ENOX2: variants seen among roughly 807,000 people sequenced by gnomAD.
ENOX2 encodes the protein ecto-NOX disulfide-thiol exchanger 2.
A neutral mutation model predicts 45.0 loss-of-function variants in ENOX2; 36 were observed. That is an observed-to-expected ratio of 0.80 (90% CI 0.61 to 1.06). The LOEUF (loss-of-function observed/expected upper bound fraction) is 1.06, where lower values mean the gene tolerates loss of function less well. ENOX2 is among the 50% of genes least tolerant of loss of function. ENOX2 has a pLI of 0.00. For synonymous variants in ENOX2, 174 were observed against 152.3 expected (o/e 1.14, Z -1.05); for missense variants, 423 against 462.5 (o/e 0.91, Z 0.78).
chrX:130,852,683 G>A (rs925403531), intron 2 of ENOX2, among the ~76,000 whole-genome samples: 2 of 110,986 alleles, frequency 1.8e-5, no homozygotes, highest in Non-Finnish European at 3.8e-5. Context: ...TCATGGAGTT[G>A]AGACATTTGA....
intron 3 of ENOX2, among the ~76,000 whole-genome samples, chrX:130,725,773 A>G (rs1347172192): frequency 9.0e-6 from 1 of 111,601 alleles, no homozygotes; most frequent in Middle Eastern, 4.3e-3. Flanking sequence ...TGCCAAGGTG[A>G]GTAATTCCTG....
At chrX:130,742,191 G>A (rs181850320) in intron 3 of ENOX2, among the ~76,000 whole-genome samples, 55 of 101,888 alleles carry the variant, frequency 5.4e-4, no homozygotes, top group Non-Finnish European at 9.9e-4. Flanking sequence ...AAAAAAGTAA[G>A]TGCTGACCAG....
At chrX:130,840,397 C>A (rs1459038766) in intron 2 of ENOX2, among the ~76,000 whole-genome samples, 3 of 109,868 alleles carry the variant, frequency 2.7e-5, no homozygotes, top group Non-Finnish European at 5.7e-5. Context: ...TATGGTTAAA[C>A]AACTCACAAC....
intron 5 of ENOX2, 61 bp downstream of exon 5, chrX:130,688,802 A>T (rs776221032): frequency 5.5e-6 from 5 of 912,097 alleles, no homozygotes; most frequent in African/African-American, 2.0e-5. Context: ...TTGAGAAAGA[A>T]GAAAGCTTTC....
intron 3 of ENOX2, among the ~76,000 whole-genome samples, chrX:130,723,839 G>A (rs1448666586): frequency 1.8e-5 from 2 of 111,458 alleles, no homozygotes; most frequent in Non-Finnish European, 3.8e-5. Flanking sequence ...CTCTCTAAAT[G>A]CCTATTAGCA....
chrX:130,712,252 A>AG (rs1456323554), intron 3 of ENOX2, among the ~76,000 whole-genome samples: 1 of 112,201 alleles, frequency 8.9e-6, no homozygotes, highest in Non-Finnish European at 1.9e-5. Flanking sequence ...TACAGTAAGT[A>AG]GCTAGCCAGG....
chrX:130,827,915 G>A (rs1231706728), intron 2 of ENOX2, among the ~76,000 whole-genome samples: 2 of 111,564 alleles, frequency 1.8e-5, no homozygotes, highest in Non-Finnish European at 3.8e-5. Context: ...TCGGATTTAT[G>A]TATTTATGCT....
chrX:130,832,785 T>C (rs1237547175), intron 2 of ENOX2, among the ~76,000 whole-genome samples: 2 of 110,567 alleles, frequency 1.8e-5, no homozygotes, highest in Non-Finnish European at 3.8e-5. Context: ...TCTATAAACC[T>C]TTAGGGACTC....
At chrX:130,705,263 A>AAAAC (rs938258523) in intron 3 of ENOX2, among the ~76,000 whole-genome samples, 24 of 112,015 alleles carry the variant, frequency 2.1e-4, no homozygotes, top group African/African-American at 5.2e-4. Flanking sequence ...GAGAAATATT[A>AAAAC]AAACAAACAA....
At chrX:130,694,509 A>G (rs1055130495) in intron 4 of ENOX2, among the ~76,000 whole-genome samples, 1 of 111,115 alleles carries the variant, frequency 9.0e-6, no homozygotes, top group African/African-American at 3.3e-5. Flanking sequence ...GGTGTTCTAC[A>G]TCTGATGTCT....
At chrX:130,819,916 T>C (rs2077565925) in intron 2 of ENOX2, among the ~76,000 whole-genome samples, 1 of 111,621 alleles carries the variant, frequency 9.0e-6, no homozygotes, top group African/African-American at 3.3e-5. Context: ...GTCTGGGCAA[T>C]GATTTTAGGG....
chrX:130,680,061 A>G (rs1227214955), intron 5 of ENOX2, among the ~76,000 whole-genome samples: 1 of 112,027 alleles, frequency 8.9e-6, no homozygotes, highest in Non-Finnish European at 1.9e-5. Context: ...ATTTTTAGTC[A>G]TTTTTATTAA....
rs771924779 is a variant in ENOX2, at chrX:130,752,780, C to T, written c.-39+30767G>A. 9.9e-4 allele frequency among the ~76,000 whole-genome samples: 110 copies of T among 110,981 alleles called. 1 individual carries two copies. The highest frequency in any genetic ancestry group is 3.4e-3 in the African/African-American group (104 of 30,588). On this transcript the variant is annotated intron_variant, in intron 3 of 14. Transcript: ENST00000394363. ...CTCCCATATAGCTCCATCTGGCCAA[C>T]TCTCTCTGTCTGAGTGACTTTCACT...
At chrX:130,717,923 C>T (rs934315657) in intron 3 of ENOX2, among the ~76,000 whole-genome samples, 2 of 112,040 alleles carry the variant, frequency 1.8e-5, no homozygotes, top group Non-Finnish European at 3.8e-5. Flanking sequence ...TATAATTCTA[C>T]TACATATGTT....
chrX:130,800,545 A>G (rs1277468878), intron 2 of ENOX2, among the ~76,000 whole-genome samples: 1 of 111,712 alleles, frequency 9.0e-6, no homozygotes, highest in Non-Finnish European at 1.9e-5. Flanking sequence ...TTTCTATTTT[A>G]ATACATCTAC....
intron 3 of ENOX2, among the ~76,000 whole-genome samples, chrX:130,779,666 T>C (rs1410671152): frequency 9.0e-6 from 1 of 110,922 alleles, no homozygotes; most frequent in Non-Finnish European, 1.9e-5. Context: ...AACAAGAAAA[T>C]AATAGGGAAT....
chrX:130,808,581 T>A (rs1233667416), intron 2 of ENOX2, among the ~76,000 whole-genome samples: 1 of 111,806 alleles, frequency 8.9e-6, no homozygotes, highest in Non-Finnish European at 1.9e-5. Context: ...ACCAATTAGG[T>A]TAAAAGGAGG....
intron 2 of ENOX2, among the ~76,000 whole-genome samples, chrX:130,878,007 A>G (rs2078740231): frequency 8.9e-6 from 1 of 112,422 alleles, no homozygotes; most frequent in African/African-American, 3.2e-5. Flanking sequence ...TTGTCCAGCT[A>G]GTACACCAGA....
chrX:130,656,709 GT>G lies in ENOX2; in HGVS notation c.1015-15del, dbSNP rs751571629. 1.4e-5 allele frequency: 13 copies of G among 958,858 alleles called. No individual in the cohort carries two copies. In the South Asian group the frequency reaches 2.7e-4, roughly 20 times the overall value. The allele number at this position is 958,858 out of a possible 1,213,427, so 79.0% of individuals were successfully genotyped here. A position where few individuals can be genotyped will look rare whatever the true frequency, so the allele number is the denominator to read the frequency against. On this transcript the variant is annotated splice_polypyrimidine_tract_variant and intron_variant, in intron 9 of 14. Transcript: ENST00000394363. ...GTTGCGAATTTCCTAAGGTTAAAAAGTATGCTTTTTAGGTGGGAATTCCTTG... is the reference window on the plus strand; with the variant it reads ...GTTGCGAATTTCCTAAGGTTAAAAAGATGCTTTTTAGGTGGGAATTCCTTG...
Sources: allele counts gnomAD v4.1 joint callset (sites outside exome capture counted in the v4.1 genomes callset), GRCh38; gene constraint gnomAD v4.1.1; transcripts MANE v1.5; gene names NCBI Gene and HGNC (gene_info 2026-07-23, HGNC 2026-07-21).